The following TSPAN8 variants were observed in gnomAD, a reference collection of about 807,000 sequenced individuals.
TSPAN8 encodes the protein tetraspanin 8.
A neutral mutation model predicts 32.8 loss-of-function variants in TSPAN8; 21 were observed. The observed-to-expected ratio is 0.64, with a 90% CI of 0.45 to 0.92. The LOEUF (loss-of-function observed/expected upper bound fraction) is 0.92. Among genes scored for constraint, TSPAN8 ranks in the 40% least tolerant of loss-of-function variants. The pLI, the probability that TSPAN8 is intolerant of heterozygous loss-of-function variation, is 0.00. For missense variants in TSPAN8, 269 were observed against 281.9 expected, an observed-to-expected ratio of 0.95 and a Z score of 0.33; for synonymous variants, 95 against 94.6, an observed-to-expected ratio of 1.00 and a Z score of -0.03.
intron 2 of TSPAN8, among the ~76,000 whole-genome samples, chr12:71,147,360 A>G (rs890086590): frequency 1.3e-5 from 2 of 152,170 alleles, no homozygotes; most frequent in African/African-American, 4.8e-5. Context: ...ATGTTTGGAG[A>G]ATGCTGAAAA....
At chr12:71,128,334 C>T (rs1426756101) in intron 8 of TSPAN8, among the ~76,000 whole-genome samples, 1 of 152,126 alleles carries the variant, frequency 6.6e-6, no homozygotes, top group African/African-American at 2.4e-5. Context: ...GTTAAAATTT[C>T]TTTCTGGCAG....
At chr12:71,148,183 C>T (rs1429077845) in intron 2 of TSPAN8, among the ~76,000 whole-genome samples, 1 of 152,150 alleles carries the variant, frequency 6.6e-6, no homozygotes, top group Admixed American at 6.5e-5. Context: ...CCATGATTTT[C>T]CCATGCTTCA....
intron 3 of TSPAN8, among the ~76,000 whole-genome samples, chr12:71,143,495 G>A (rs1021893767): frequency 3.3e-5 from 5 of 152,116 alleles, no homozygotes; most frequent in African/African-American, 4.8e-5. Flanking sequence ...CACTGGGCAC[G>A]GAATGGTGTG....
chr12:71,144,096 T>C, intron 3 of TSPAN8, 55 bp downstream of exon 3: 1 of 1,464,752 alleles, frequency 6.8e-7, no homozygotes, highest in Non-Finnish European at 9.4e-7. Context: ...ACTTTCATTA[T>C]TATAAATGAA....
intron 2 of TSPAN8, among the ~76,000 whole-genome samples, chr12:71,154,224 C>T (rs1003595093): frequency 2.0e-5 from 3 of 151,584 alleles, no homozygotes; most frequent in Non-Finnish European, 2.9e-5. Context: ...GCAGGAGAAT[C>T]GCTAGAACCT....
chr12:71,151,892 C>T (rs1445138843), intron 2 of TSPAN8, among the ~76,000 whole-genome samples: 2 of 152,208 alleles, frequency 1.3e-5, no homozygotes, highest in Non-Finnish European at 2.9e-5. Context: ...TGACATATCC[C>T]TCTACTCCTG....
intron 2 of TSPAN8, among the ~76,000 whole-genome samples, chr12:71,150,051 C>T (rs61391055): frequency 0.021 from 3,149 of 152,236 alleles, 121 homozygotes; most frequent in African/African-American, 0.073. Context: ...ACAGCTTCTC[C>T]GGGAGTGTCT....
rs769623664 is a variant in TSPAN8, at chr12:71,144,219, G to A, written c.61-6C>T. ...AGGATCAAGATACCACATAGCTGCA[G>A]AAAAAAACAAACAAACAAAAAGAAT... On this transcript the variant is annotated splice_region_variant and splice_polypyrimidine_tract_variant and intron_variant, in intron 2 of 8. Transcript: ENST00000247829. 1.9e-6 allele frequency: 3 copies of A among 1,608,836 alleles called. No individual in the cohort carries two copies. The East Asian group carries it at 6.7e-5, about 36-fold the overall frequency.
chr12:71,128,947 G>A (rs548469268), intron 8 of TSPAN8, among the ~76,000 whole-genome samples: 2 of 152,228 alleles, frequency 1.3e-5, no homozygotes, highest in South Asian at 2.1e-4. Flanking sequence ...ATAAGAAATT[G>A]TAAAGGTCGT....
intron 7 of TSPAN8, among the ~76,000 whole-genome samples, chr12:71,129,692 T>C (rs188513285): frequency 7.6e-4 from 115 of 152,220 alleles, no homozygotes; most frequent in African/African-American, 2.7e-3. Flanking sequence ...AATAATAATT[T>C]TTCACCAACA....
In TSPAN8 at chr12:71,157,415, CTGAAG is replaced by C. The variant is rs150188856; in HGVS notation, c.60+199_60+203del. The C allele has an allele frequency of 4.4e-3, 2,172 of 491,798 alleles. 44 individuals carry two copies. Among genetic ancestry groups the C allele is most frequent in the African/African-American group, 0.039 (2,005 of 51,874 alleles). 30.5% of individuals were successfully genotyped at this position (491,798 alleles called of 1,614,324 possible). On this transcript the variant is annotated intron_variant, in intron 2 of 8. Coordinates refer to ENST00000247829, the MANE Select transcript of TSPAN8 (RefSeq NM_004616.3). ...TTTATGAAATGTTTATCCTCACATT[CTGAAG>C]TGCACTTTTTTGAGTCCTTGGCTCA...
At chr12:71,127,707 C>T (rs1447219770) in intron 8 of TSPAN8, among the ~76,000 whole-genome samples, 2 of 152,070 alleles carry the variant, frequency 1.3e-5, no homozygotes, top group East Asian at 3.8e-4. Context: ...TTTTTGTAAT[C>T]TTATTTTCCA....
At chr12:71,148,854 C>T (rs1292594066) in intron 2 of TSPAN8, among the ~76,000 whole-genome samples, 5 of 152,116 alleles carry the variant, frequency 3.3e-5, no homozygotes, top group South Asian at 2.1e-4. Context: ...TATCTCATCC[C>T]GTTGTTTTCC....
intron 2 of TSPAN8, among the ~76,000 whole-genome samples, chr12:71,147,404 A>T (rs1872110617): frequency 6.6e-6 from 1 of 152,172 alleles, no homozygotes; most frequent in African/African-American, 2.4e-5. Flanking sequence ...ATTTTGAACT[A>T]CATCATTATT....
intron 8 of TSPAN8, among the ~76,000 whole-genome samples, chr12:71,127,270 T>C (rs367583058): frequency 3.3e-5 from 4 of 121,030 alleles, no homozygotes; most frequent in African/African-American, 1.2e-4. Context: ...GACTGTAAGA[T>C]GAGCTATAAA....
intron 6 of TSPAN8, among the ~76,000 whole-genome samples, chr12:71,134,570 C>CAGT (rs1871620410): frequency 6.6e-6 from 1 of 152,164 alleles, no homozygotes; most frequent in Non-Finnish European, 1.5e-5. Context: ...GTTTCAAGGT[C>CAGT]AGTACTAGCA....
At chr12:71,157,424 A>G (rs1872480001) in intron 2 of TSPAN8, 195 bp downstream of exon 2, 2 of 505,114 alleles carry the variant, frequency 4.0e-6, no homozygotes, top group Non-Finnish European at 7.1e-6. Flanking sequence ...TCTGAAGTGC[A>G]CTTTTTTGAG....
At chr12:71,141,237 G>A (rs959307648) in intron 3 of TSPAN8, among the ~76,000 whole-genome samples, 3 of 152,164 alleles carry the variant, frequency 2.0e-5, no homozygotes, top group African/African-American at 7.2e-5. Flanking sequence ...TACAGATAAT[G>A]TTTCAATTTA....
At chr12:71,142,047 TATGCTC>T in intron 3 of TSPAN8, among the ~76,000 whole-genome samples, 1 of 152,338 alleles carries the variant, frequency 6.6e-6, no homozygotes, top group East Asian at 1.9e-4. Context: ...TTTCTGTGTT[TATGCTC>T]ATGTTTTTCC....
Sources: allele counts gnomAD v4.1 joint callset (sites outside exome capture counted in the v4.1 genomes callset), GRCh38; gene constraint gnomAD v4.1.1; transcripts MANE v1.5; gene names NCBI Gene and HGNC (gene_info 2026-07-23, HGNC 2026-07-21).